ARSG: variants seen among roughly 807,000 people sequenced by gnomAD.
ARSG encodes arylsulfatase G, also known as ASG.
Under a neutral mutation model 50.5 loss-of-function variants are expected in ARSG, and 37 were observed. The ratio of observed to expected loss-of-function variants is 0.73; its 90% CI spans 0.56 to 0.96. The LOEUF is 0.96. Ranked by LOEUF, ARSG falls within the 50% of genes least tolerant of loss-of-function variation. The pLI is 0.00. For missense variants in ARSG, 629 were observed against 675.3 expected (o/e 0.93, Z 0.76); for synonymous variants, 225 against 254.6 (o/e 0.88, Z 1.11).
chr17:68,376,255 A>T (rs2080139162), intron 8 of ARSG, among the ~76,000 whole-genome samples: 3 of 144,332 alleles, frequency 2.1e-5, no homozygotes, highest in Admixed American at 7.0e-5. Context: ...GGACTACAGG[A>T]GTGTGCCACT....
the ARSG span, chr17:68,428,626 C>T: frequency 7.5e-6 from 4 of 533,056 alleles, no homozygotes; most frequent in Non-Finnish European, 1.4e-5. Flanking sequence ...TTAATCCTGG[C>T]ACTTTTCCAG....
chr17:68,385,971 C>G (rs1157580686), intron 9 of ARSG, among the ~76,000 whole-genome samples: 3 of 152,168 alleles, frequency 2.0e-5, no homozygotes, highest in Admixed American at 2.0e-4. Flanking sequence ...TGAAGACATT[C>G]CTCCTGCCTC....
In ARSG at chr17:68,282,779, TAAAAA is replaced by T. The variant is rs36155626; in HGVS notation, c.-552+23370_-552+23374del. Among the ~76,000 whole-genome samples, 31 of 53,402 alleles carry T rather than the reference TAAAAA, an allele frequency of 5.8e-4. 1 individual carries two copies. The highest frequency in any genetic ancestry group is 8.9e-4 in the Non-Finnish European group (27 of 30,262). The allele number at this position is 53,402 out of a possible 152,430, so 35.0% of individuals were successfully genotyped here. On this transcript the variant is annotated intron_variant, in intron 1 of 11. Transcript: ENST00000448504. ...CAACATAGTGAAACCCCATCTCTAC[TAAAAA>T]AAAAAAAAAAAAAAAAGGCCAGGTG...
intron 2 of ARSG, among the ~76,000 whole-genome samples, chr17:68,336,133 A>G (rs1227666776): frequency 6.6e-6 from 1 of 151,380 alleles, no homozygotes; most frequent in Non-Finnish European, 1.5e-5. Context: ...TCCTGACCTC[A>G]GGTGATCTGC....
intron 2 of ARSG, among the ~76,000 whole-genome samples, chr17:68,340,091 G>A (rs960795795): frequency 6.6e-6 from 1 of 152,216 alleles, no homozygotes; most frequent in Non-Finnish European, 1.5e-5. Flanking sequence ...CTGAAAAGGA[G>A]TGCTTTCTCT....
chr17:68,403,379 G>C (rs2081564076), intron 11 of ARSG, among the ~76,000 whole-genome samples: 1 of 152,208 alleles, frequency 6.6e-6, no homozygotes, highest in African/African-American at 2.4e-5. Context: ...CCCAGGGGAG[G>C]TCTGCTCTTC....
intron 1 of ARSG, chr17:68,266,976 C>T (rs1264064382): frequency 2.0e-5 from 3 of 152,090 alleles, no homozygotes; most frequent in African/African-American, 7.2e-5. Context: ...TTAATTGCCT[C>T]AAACACTGAA....
In ARSG at chr17:68,349,017, C is replaced by T. The variant is rs185931440; in HGVS notation, c.454+1845C>T. Among the ~76,000 whole-genome samples the T allele has an allele frequency of 3.7e-4, 57 of 152,208 alleles. No homozygotes were observed. The East Asian group carries it at 8.7e-3, about 23-fold the overall frequency. ...TAAATAAAATTTTATTAGAAAACAG[C>T]AAGGCCAAGCATGGTGGCTCACGCC... On this transcript the variant is annotated intron_variant, in intron 4 of 11. Transcript: ENST00000621439.
At position 68,420,434 on chromosome 17, in the gene ARSG, C is replaced by G. The variant is rs2082700644; in HGVS notation, c.1549C>G (p.Gln517Glu). The change falls in exon 12 of 12, where the codon CAA (glutamine) becomes GAA (glutamate). Residue 517 changes from glutamine to glutamate, a missense_variant. Coordinates refer to ENST00000621439, the MANE Select transcript of ARSG (RefSeq NM_001267727.2). Reference sequence around the variant, plus strand: ...AGTAACTCCCTGCTGTAATCCCTACCAAATTGCCTGCCGCTGTCAAGCCGC... The same window carrying G: ...AGTAACTCCCTGCTGTAATCCCTACGAAATTGCCTGCCGCTGTCAAGCCGC... Reference protein sequence around the residue: ...PSVTPCCNPYQIACRCQAA With the variant: ...PSVTPCCNPYEIACRCQAA 1.9e-6 allele frequency: 3 copies of G among 1,613,968 alleles called. No homozygotes were observed. Among genetic ancestry groups the G allele is most frequent in the Non-Finnish European group, 2.5e-6 (3 of 1,179,950 alleles).
the ARSG span, among the ~76,000 whole-genome samples, chr17:68,449,995 G>A: frequency 0.78 from 117,952 of 152,046 alleles, 46,110 homozygotes; most frequent in African/African-American, 0.85. Context: ...TGGGCAATAG[G>A]GCAAGACCCT....
At chr17:68,361,045 G>A (rs2079260829) in intron 6 of ARSG, among the ~76,000 whole-genome samples, 1 of 152,012 alleles carries the variant, frequency 6.6e-6, no homozygotes, top group South Asian at 2.1e-4. Flanking sequence ...AGCTTGTCTC[G>A]AACTCCCAAC....
chr17:68,410,559 A>T (rs1396000282), intron 11 of ARSG, among the ~76,000 whole-genome samples: 1 of 151,934 alleles, frequency 6.6e-6, no homozygotes, highest in South Asian at 2.1e-4. Context: ...ATCAATGTTC[A>T]TCAAGGATAT....
At chr17:68,316,440 A>C (rs2077073582) in intron 2 of ARSG, among the ~76,000 whole-genome samples, 1 of 152,174 alleles carries the variant, frequency 6.6e-6, no homozygotes, top group Admixed American at 6.5e-5. Context: ...TTATGTCTTC[A>C]GTGGCTAAAA....
intron 11 of ARSG, among the ~76,000 whole-genome samples, chr17:68,402,956 A>G (rs1487067666): frequency 1.3e-5 from 2 of 152,264 alleles, no homozygotes; most frequent in African/African-American, 4.8e-5. Flanking sequence ...AAAAAATAAA[A>G]AAAGGAAAAC....
chr17:68,424,652 G>A, downstream of ARSG: 1 of 379,776 alleles, frequency 2.6e-6, no homozygotes, highest in South Asian at 2.0e-5. Flanking sequence ...GAGACGAGTG[G>A]ATCACTTGAG....
intron 2 of ARSG, among the ~76,000 whole-genome samples, chr17:68,333,022 A>G (rs951565787): frequency 2.0e-5 from 3 of 152,222 alleles, no homozygotes; most frequent in African/African-American, 7.2e-5. Flanking sequence ...TATAAGAGTA[A>G]TAAGAGGGCT....
At chr17:68,355,767 A>G (rs966801815) in intron 5 of ARSG, among the ~76,000 whole-genome samples, 1 of 148,590 alleles carries the variant, frequency 6.7e-6, no homozygotes, top group Non-Finnish European at 1.5e-5. Flanking sequence ...TTTTTTTTCC[A>G]GGAGATGTTA....
intron 2 of ARSG, among the ~76,000 whole-genome samples, chr17:68,329,399 C>T (rs1035042805): frequency 6.6e-6 from 1 of 152,182 alleles, no homozygotes; most frequent in Non-Finnish European, 1.5e-5. Flanking sequence ...TTCCAAGGAC[C>T]TCCACTGAGG....
At chr17:68,312,568 G>T (rs7212807) in intron 2 of ARSG, among the ~76,000 whole-genome samples, 2 of 151,464 alleles carry the variant, frequency 1.3e-5, no homozygotes, top group Non-Finnish European at 2.9e-5. Context: ...GCAGAAAGGA[G>T]GACTCAGGGG....
Sources: allele counts gnomAD v4.1 joint callset (sites outside exome capture counted in the v4.1 genomes callset), GRCh38; gene constraint gnomAD v4.1.1; transcripts MANE v1.5; gene names NCBI Gene and HGNC (gene_info 2026-07-23, HGNC 2026-07-21).